Variants in DMXL2 observed in about 807,000 individuals in gnomAD.
DMXL2 encodes the protein Dmx like 2.
DMXL2 carries 103 observed loss-of-function variants against 331.1 expected under a neutral mutation model. The ratio of observed to expected loss-of-function variants is 0.31; its 90% CI spans 0.27 to 0.37. The LOEUF (loss-of-function observed/expected upper bound fraction) is 0.37. DMXL2 is among the 10% of genes least tolerant of loss of function. The pLI is 1.00. For synonymous variants in DMXL2, 1,281 were observed against 1,252.1 expected (o/e 1.02, Z -0.49); for missense variants, 3,171 against 3,642.9 (o/e 0.87, Z 3.33).
At chr15:51,494,957 A>G (rs1361346867) in intron 19 of DMXL2, 67 bp downstream of exon 19, 5 of 1,153,702 alleles carry the variant, frequency 4.3e-6, no homozygotes, top group Non-Finnish European at 5.1e-6. Flanking sequence ...ACACACAAAC[A>G]TGATACACCC....
At chr15:51,468,524 A>G (rs1320218736) in intron 29 of DMXL2, among the ~76,000 whole-genome samples, 1 of 152,212 alleles carries the variant, frequency 6.6e-6, no homozygotes, top group Non-Finnish European at 1.5e-5. Flanking sequence ...CCTCTGAAGG[A>G]TGCTTGGGAA....
chr15:51,590,019 G>C (rs567865730), intron 1 of DMXL2, among the ~76,000 whole-genome samples: 1 of 152,094 alleles, frequency 6.6e-6, no homozygotes, highest in Non-Finnish European at 1.5e-5. Context: ...CTTATTCACA[G>C]GCCTTTCTAG....
At chr15:51,470,610 C>CA in intron 29 of DMXL2, among the ~76,000 whole-genome samples, 1 of 152,100 alleles carries the variant, frequency 6.6e-6, no homozygotes, top group Non-Finnish European at 1.5e-5. Flanking sequence ...TGTGTATGCA[C>CA]AGCAAGGTAA....
At chr15:51,501,176 C>A (rs1243118731) in intron 17 of DMXL2, among the ~76,000 whole-genome samples, 1 of 152,180 alleles carries the variant, frequency 6.6e-6, no homozygotes, top group Non-Finnish European at 1.5e-5. Flanking sequence ...ACACTCTTCT[C>A]AATATGATCT....
chr15:51,578,596 G>C (rs2051202144), intron 1 of DMXL2, among the ~76,000 whole-genome samples: 2 of 152,110 alleles, frequency 1.3e-5, no homozygotes, highest in Non-Finnish European at 2.9e-5. Flanking sequence ...AAAATAATTT[G>C]GCAATATCTA....
chr15:51,555,614 C>G (rs1005060337), intron 6 of DMXL2, among the ~76,000 whole-genome samples: 18 of 151,930 alleles, frequency 1.2e-4, no homozygotes, highest in Admixed American at 6.6e-5. Flanking sequence ...TTGATAAACT[C>G]TTGGTGAGAT....
In DMXL2 at chr15:51,499,691, T is replaced by C. The variant is rs1233282339; in HGVS notation, c.3533A>G (p.Asp1178Gly). ...TCCCACTGTAAGAATGTGGGAGCCA[T>C]CTTCTTTTGATACCCAGTCCAAATG... is the stretch of plus-strand genomic sequence containing the variant. ...LVHLDWVSKE[D>G]GSHILTVGVG... The change falls in exon 18 of 44, where the codon GAT becomes GGT. Residue 1178 changes from aspartate to glycine, a missense_variant. Around this residue, in one of 7 missense-constraint regions of DMXL2, gnomAD observed 1,674 missense variants for 1,780.2 expected, o/e 0.94. Coordinates refer to ENST00000560891, the MANE Select transcript of DMXL2 (RefSeq NM_001378457.1). 1 of 1,614,030 alleles carries C rather than the reference T, an allele frequency of 6.2e-7. No homozygotes were observed.
intron 2 of DMXL2, among the ~76,000 whole-genome samples, chr15:51,573,844 A>G (rs2050835923): frequency 6.6e-6 from 1 of 152,130 alleles, no homozygotes; most frequent in South Asian, 2.1e-4. Flanking sequence ...AAGTATAATA[A>G]AAAATATATA....
At chr15:51,550,376 A>G (rs1275463154) in intron 6 of DMXL2, among the ~76,000 whole-genome samples, 3 of 152,154 alleles carry the variant, frequency 2.0e-5, no homozygotes, top group Admixed American at 2.0e-4. Flanking sequence ...TTAATTATAA[A>G]TTGACAACTT....
At chr15:51,588,638 T>C (rs902284795) in intron 1 of DMXL2, among the ~76,000 whole-genome samples, 1 of 152,248 alleles carries the variant, frequency 6.6e-6, no homozygotes, top group African/African-American at 2.4e-5. Context: ...TTAATCTAAA[T>C]GTTGATATTT....
chr15:51,619,215 T>A (rs2054477134), intron 1 of DMXL2, among the ~76,000 whole-genome samples: 1 of 152,152 alleles, frequency 6.6e-6, no homozygotes, highest in South Asian at 2.1e-4. Context: ...AAATAAAGTA[T>A]AATAAAGCTC....
At chr15:51,492,199 T>TC (rs2042853295) in intron 19 of DMXL2, among the ~76,000 whole-genome samples, 1 of 152,188 alleles carries the variant, frequency 6.6e-6, no homozygotes, top group African/African-American at 2.4e-5. Context: ...AGGTGTGTTA[T>TC]CCCCCACAAG....
intron 32 of DMXL2, among the ~76,000 whole-genome samples, chr15:51,463,973 G>C (rs556195320): frequency 2.0e-4 from 31 of 152,166 alleles, no homozygotes; most frequent in African/African-American, 7.5e-4. Flanking sequence ...AAGGGACCTA[G>C]ATTGGCAGGT....
At chr15:51,452,180 C>G (rs1346762071) in intron 41 of DMXL2, among the ~76,000 whole-genome samples, 1 of 151,958 alleles carries the variant, frequency 6.6e-6, no homozygotes, top group East Asian at 1.9e-4. Context: ...ACACTTGAAA[C>G]CATAAAAATT....
rs974960091 is a variant in DMXL2, at chr15:51,499,834, C to A, written c.3390G>T (p.Lys1130Asn). Residue 1130 changes from lysine to asparagine, a missense_variant, in exon 18 of 44, where the codon AAG becomes AAT. This residue lies in a region of DMXL2 where 1,674 missense variants were observed against 1,780.2 expected (regional missense o/e 0.94). Coordinates refer to ENST00000560891, the MANE Select transcript of DMXL2 (RefSeq NM_001378457.1). ...EQTIHLDDLVKVGSVLDSRVS... is the reference protein window; with the variant it reads ...EQTIHLDDLVNVGSVLDSRVS... Reference sequence around the variant, plus strand: ...CCCTTGAATCAAGTACACTCCCAACCTTAACCAAATCATCAAGATGAATTG... The same window carrying A: ...CCCTTGAATCAAGTACACTCCCAACATTAACCAAATCATCAAGATGAATTG... 1 of 1,614,046 alleles carries A rather than the reference C, an allele frequency of 6.2e-7. No homozygotes were observed. Among genetic ancestry groups the A allele is most frequent in the Non-Finnish European group, 8.5e-7 (1 of 1,180,032 alleles).
chr15:51,486,108 A>G lies in DMXL2; in HGVS notation c.5447T>C (p.Leu1816Pro). ...KDYTRALDTLLEQTPKEDDEH... is the reference protein window; with the variant it reads ...KDYTRALDTLPEQTPKEDDEH... Reference sequence around the variant, plus strand: ...ATCATCCTCCTTTGGTGTTTGTTCCAGTAATGTGTCCAAGGCTCGGGTGTA... The same window carrying G: ...ATCATCCTCCTTTGGTGTTTGTTCCGGTAATGTGTCCAAGGCTCGGGTGTA... Residue 1816 changes from leucine to proline, a missense_variant, in exon 23 of 44, where the codon CTG becomes CCG. Physicochemically the swap from Leu to Pro is moderately conservative, Grantham distance 98. This residue lies in a region of DMXL2 where 252 missense variants were observed against 387.4 expected (regional missense o/e 0.65). Coordinates refer to ENST00000560891, the MANE Select transcript of DMXL2 (RefSeq NM_001378457.1). 1 of 1,613,454 alleles carries G rather than the reference A, an allele frequency of 6.2e-7. No homozygotes were observed. The highest frequency in any genetic ancestry group is 8.5e-7 in the Non-Finnish European group (1 of 1,179,532).
intron 17 of DMXL2, among the ~76,000 whole-genome samples, chr15:51,500,751 C>T (rs995895762): frequency 3.3e-5 from 5 of 152,136 alleles, no homozygotes; most frequent in Admixed American, 1.3e-4. Flanking sequence ...TAGATCTTAC[C>T]CATTTTACCA....
rs2141176676 is a variant in DMXL2 at position 51,450,282 on chromosome 15, G to A, written c.8814C>T (p.Ile2938=). 1 of 1,614,074 alleles carries A rather than the reference G, an allele frequency of 6.2e-7. No homozygotes were observed. The highest frequency in any genetic ancestry group is 8.5e-7 in the Non-Finnish European group (1 of 1,180,000). Residue 2938 remains isoleucine (I), a synonymous_variant, in exon 43 of 44, where the codon ATC becomes ATT. Transcript: ENST00000560891. ...AGACGTGTCCTTTCCTACCCCCCGAGATTAGGAGTTGCTGTTTGGGTGCAT... is the reference window on the plus strand; with the variant it reads ...AGACGTGTCCTTTCCTACCCCCCGAAATTAGGAGTTGCTGTTTGGGTGCAT... The part of the protein sequence containing the change: ...LQYAPKQQLL[I]SGGRKGHVCI...
At chr15:51,532,946 T>A (rs1045976413) in intron 13 of DMXL2, among the ~76,000 whole-genome samples, 1 of 152,204 alleles carries the variant, frequency 6.6e-6, no homozygotes, top group Admixed American at 6.5e-5. Flanking sequence ...CTACACCTAA[T>A]ATATGCATTC....
Sources: allele counts gnomAD v4.1 joint callset (sites outside exome capture counted in the v4.1 genomes callset), GRCh38; gene constraint gnomAD v4.1.1; regional missense constraint gnomAD v4.1.1; transcripts MANE v1.5; gene names NCBI Gene and HGNC (gene_info 2026-07-23, HGNC 2026-07-21).